KIRREL2: variants seen among roughly 807,000 people sequenced by gnomAD.
KIRREL2 encodes kirre like nephrin family adhesion molecule 2.
Under a neutral mutation model 73.4 loss-of-function variants are expected in KIRREL2, and 56 were observed. The observed-to-expected ratio is 0.76, with a 90% CI of 0.62 to 0.95. KIRREL2 has a LOEUF of 0.95. Among genes scored for constraint, KIRREL2 ranks in the 40% least tolerant of loss-of-function variants. The pLI, the probability that KIRREL2 is intolerant of heterozygous loss-of-function variation, is 0.00. For missense variants in KIRREL2, 896 were observed against 935.0 expected, an observed-to-expected ratio of 0.96 and a Z score of 0.54; for synonymous variants, 407 against 404.0, an observed-to-expected ratio of 1.01 and a Z score of -0.09.
Position 35,857,133 on chromosome 19 carries a change from G to T in KIRREL2, c.14G>T (p.Arg5Leu), listed in dbSNP as rs923143445. ...CTTGGGGGACGAATGCTCAGGATGC[G>T]GGTCCCCGCCCTCCTCGTCCTCCTC... MLRM[R>L]VPALLVLLFC... is the part of the protein sequence containing the mutation. Residue 5 changes from arginine (R) to leucine (L), a missense_variant, in exon 1 of 15, where the codon CGG (arginine) becomes CTG (leucine). Arg to Leu is a moderately radical substitution (Grantham distance 102). Coordinates refer to ENST00000360202, the MANE Select transcript of KIRREL2 (RefSeq NM_199180.4). 6 of 1,613,848 alleles carry T rather than the reference G, an allele frequency of 3.7e-6. No homozygotes were observed. In the South Asian group the frequency reaches 6.6e-5, roughly 18 times the overall value.
chr19:35,854,603 G>A (rs145529322), upstream of KIRREL2, among the ~76,000 whole-genome samples: 1,429 of 152,306 alleles, frequency 9.4e-3, 20 homozygotes, highest in African/African-American at 0.032. Flanking sequence ...GATTGCAGGC[G>A]TGAGTCATTG....
At position 35,866,208 on chromosome 19, in the gene KIRREL2, C is replaced by A. The variant is rs779488886; in HGVS notation, c.1843C>A (p.Leu615Ile). 18 of 1,613,084 alleles carry A rather than the reference C, an allele frequency of 1.1e-5. No homozygotes were observed. Among genetic ancestry groups the A allele is most frequent in the Non-Finnish European group, 1.4e-5 (16 of 1,179,594 alleles). ...CCGAGGAGTCAGTGTGAGCCTGAGCCTTGGCGAAGCCCCTGGAGGAGGTCT... is the reference window on the plus strand; with the variant it reads ...CCGAGGAGTCAGTGTGAGCCTGAGCATTGGCGAAGCCCCTGGAGGAGGTCT... ...KVRGVSVSLS[L>I]GEAPGGGLFL... The change falls in exon 15 of 15, where the codon CTT becomes ATT. Residue 615 changes from leucine (L) to isoleucine (I), a missense_variant. By Grantham distance (5) the Leu-to-Ile change is conservative. Coordinates refer to ENST00000360202, the MANE Select transcript of KIRREL2 (RefSeq NM_199180.4).
In KIRREL2 at chr19:35,866,472, C is replaced by A. The variant is rs374425895; in HGVS notation, c.2107C>A (p.Arg703Ser). Residue 703 changes from arginine to serine, a missense_variant, in exon 15 of 15, where the codon CGT (arginine) becomes AGT (serine). Physicochemically the swap from Arg to Ser is moderately radical, Grantham distance 110 (BLOSUM62 -1). Transcript: ENST00000360202. ...YAAFPTPSHP[R>S]LQTHV is the part of the protein sequence containing the mutation. Reference sequence around the variant, plus strand: ...TGCCTTCCCCACACCTAGCCACCCGCGTCTCCAGACTCACGTGTGACATCT... The same window carrying A: ...TGCCTTCCCCACACCTAGCCACCCGAGTCTCCAGACTCACGTGTGACATCT... The A allele has an allele frequency of 4.2e-5, 68 of 1,611,644 alleles. No homozygotes were observed. Among genetic ancestry groups the A allele is most frequent in the Middle Eastern group, 1.6e-4 (1 of 6,080 alleles).
intron 14 of KIRREL2, among the ~76,000 whole-genome samples, chr19:35,865,045 C>T (rs1973905939): frequency 6.6e-6 from 1 of 152,130 alleles, no homozygotes. Context: ...CCCCACATCT[C>T]CCCAGACTGG....
Position 35,859,614 on chromosome 19 carries a change from TCA to T in KIRREL2, c.660_661del (p.Leu221GlufsTer66). 1 of 1,613,950 alleles carries T rather than the reference TCA, an allele frequency of 6.2e-7. No homozygotes were observed. Among genetic ancestry groups the T allele is most frequent in the East Asian group, 2.2e-5 (1 of 44,878 alleles). On this transcript the variant is annotated frameshift_variant, in exon 5 of 15. Transcript: ENST00000360202. LOFTEE classifies it high-confidence loss of function. ...CTGCCCACAGGAAGAGACACAGCTA[TCA>T]CACTGAGCCTGCAGTGTGAGTGCAG...
At chr19:35,855,656 TAC>T (rs57458964), upstream of KIRREL2, among the ~76,000 whole-genome samples, 19,516 of 84,566 alleles carry the variant, frequency 0.23, 1,739 homozygotes, top group Non-Finnish European at 0.29. Context: ...CACCTCCCCA[TAC>T]ACACACACAC....
Position 35,862,921 on chromosome 19 carries a change from T to A in KIRREL2, c.1616-6T>A. 6.5e-7 allele frequency: 1 copy of A among 1,549,602 alleles called. No individual in the cohort carries two copies. The highest frequency in any genetic ancestry group is 2.4e-5 in the East Asian group (1 of 42,426). ...TCGCTTAACTCCACCGGTCGCTGTT[T>A]GTCAGCCTCAGCCTCTTTCTCCGAG... On this transcript the variant is annotated splice_region_variant and splice_polypyrimidine_tract_variant and intron_variant, in intron 12 of 14. Coordinates refer to ENST00000360202, the MANE Select transcript of KIRREL2 (RefSeq NM_199180.4).
rs1599856739 is a variant in KIRREL2 at position 35,857,418 on chromosome 19, T to A, written c.135T>A (p.Cys45Ter). ...TGGGGGAGGAAGCCCGGCTGCCGTG[T>A]GCTCTGGGCGCCTACTGGGGGCTAG... ...VLLGEEARLPCALGAYWGLVQ... is the reference protein window; with the variant it reads ...VLLGEEARLP The change falls in exon 2 of 15, where the codon TGT becomes TGA. Residue 45 changes from cysteine (C) to a stop codon, truncating the protein, a stop_gained. Transcript: ENST00000360202. LOFTEE classifies it high-confidence loss of function. 1.9e-6 allele frequency: 3 copies of A among 1,612,934 alleles called. No homozygotes were observed. The African/African-American group carries it at 4.0e-5, about 22-fold the overall frequency.
At chr19:35,855,226 G>A (rs1973380553), upstream of KIRREL2, among the ~76,000 whole-genome samples, 1 of 151,994 alleles carries the variant, frequency 6.6e-6, no homozygotes, top group Non-Finnish European at 1.5e-5. Context: ...GAGTGGCTCT[G>A]TCCTGGGGGC....
chr19:35,856,893 G>A, upstream of KIRREL2: 2 of 599,468 alleles, frequency 3.3e-6, no homozygotes, highest in South Asian at 2.0e-5. The surrounding 1 kb of genome is among the most constrained non-coding windows in gnomAD (Gnocchi z 5.9). Flanking sequence ...GCGGGATCGG[G>A]CCCTCTTGGG....
At chr19:35,855,466 C>T (rs77056012), upstream of KIRREL2, among the ~76,000 whole-genome samples, 6,310 of 151,756 alleles carry the variant, frequency 0.042, 176 homozygotes, top group Middle Eastern at 0.095. Flanking sequence ...CCCTAAGACT[C>T]AGGAGTTCCA....
chr19:35,861,298 T>C, intron 9 of KIRREL2, 44 bp downstream of exon 9: 1 of 1,510,132 alleles, frequency 6.6e-7, no homozygotes, highest in Non-Finnish European at 8.8e-7. Flanking sequence ...CGTCCTGGGA[T>C]AGGGAGCGGA....
chr19:35,853,379 G>T (rs751387267), upstream of KIRREL2, among the ~76,000 whole-genome samples: 1 of 152,224 alleles, frequency 6.6e-6, no homozygotes, highest in Non-Finnish European at 1.5e-5. Flanking sequence ...TGCAGTGTGA[G>T]CCCAAAGTGG....
At position 35,860,310 on chromosome 19, in the gene KIRREL2, G is replaced by C; in HGVS notation, c.687G>C (p.Val229=). The C allele has an allele frequency of 1.9e-6, 3 of 1,614,020 alleles. No homozygotes were observed. Among genetic ancestry groups the C allele is most frequent in the Non-Finnish European group, 2.5e-6 (3 of 1,180,004 alleles). The change falls in exon 6 of 15, where the codon GTG becomes GTC. Residue 229 remains valine (V), a synonymous_variant. Transcript: ENST00000360202. ...ITLSLQYPPE[V]TLSASPHTVQ... Reference sequence around the variant, plus strand: ...CCACCCTCACAGACCCCCCAGAGGTGACTCTGTCTGCTTCGCCACACACTG... The same window carrying C: ...CCACCCTCACAGACCCCCCAGAGGTCACTCTGTCTGCTTCGCCACACACTG...
Position 35,857,009 on chromosome 19 carries a change from G to C in KIRREL2, c.-111G>C, listed in dbSNP as rs557144674. On this transcript the variant is annotated 5_prime_UTR_variant, in exon 1 of 15. Transcript: ENST00000360202. Reference sequence around the variant, plus strand: ...CAGGCCAGAGACTAGGCTGGGCGAAGAGTCGAGCGTGAAGGGGGCTCCGGG... The same window carrying C: ...CAGGCCAGAGACTAGGCTGGGCGAACAGTCGAGCGTGAAGGGGGCTCCGGG... 5.6e-4 allele frequency: 604 copies of C among 1,087,454 alleles called. 10 individuals are homozygous for C. The South Asian group carries it at 7.3e-3, about 13-fold the overall frequency. The allele number at this position is 1,087,454 out of a possible 1,614,324, so 67.4% of individuals were successfully genotyped here.
intron 13 of KIRREL2, among the ~76,000 whole-genome samples, chr19:35,864,376 GAC>G (rs1973860190): frequency 6.6e-6 from 1 of 151,796 alleles, no homozygotes; most frequent in Non-Finnish European, 1.5e-5. Context: ...TTTTAGTAGA[GAC>G]AGAGTTTCGG....
chr19:35,862,406 A>T, intron 11 of KIRREL2, 87 bp from the exon 12 acceptor site: 1 of 1,009,722 alleles, frequency 9.9e-7, no homozygotes, highest in South Asian at 1.3e-5. Flanking sequence ...CGACCTTTTG[A>T]ACCCAGGAAT....
At position 35,861,072 on chromosome 19, in the gene KIRREL2, GA is replaced by G. The variant is rs768135613; in HGVS notation, c.1056+37del. The G allele has an allele frequency of 1.9e-6, 3 of 1,606,354 alleles. No homozygotes were observed. In the South Asian group the frequency reaches 3.3e-5, roughly 18 times the overall value. On this transcript the variant is annotated intron_variant, in intron 8 of 14. Transcript: ENST00000360202. ...AAATCTGAGGCGGTGGCTGGAGGGGGACCAGGCTTCCTTACAAATCCGGCTT... is the reference window on the plus strand; with the variant it reads ...AAATCTGAGGCGGTGGCTGGAGGGGGCCAGGCTTCCTTACAAATCCGGCTT...
At position 35,862,072 on chromosome 19, in the gene KIRREL2, C is replaced by A. The variant is rs537533189; in HGVS notation, c.1510+48C>A. The A allele has an allele frequency of 3.6e-4, 532 of 1,495,712 alleles. 1 individual carries two copies. The highest frequency in any genetic ancestry group is 4.7e-4 in the Non-Finnish European group (514 of 1,097,934). 92.7% of individuals were successfully genotyped at this position (1,495,712 alleles called of 1,614,324 possible). On this transcript the variant is annotated intron_variant, in intron 11 of 14. Transcript: ENST00000360202. ...CCAAATCTGGAGAGTCTAAACCCCA[C>A]AAACGCAGGGATCCCCCAGCCGAGG...
Sources: allele counts gnomAD v4.1 joint callset (sites outside exome capture counted in the v4.1 genomes callset), GRCh38; gene constraint gnomAD v4.1.1; non-coding constraint Gnocchi (gnomAD v3.1); transcripts MANE v1.5; gene names NCBI Gene and HGNC (gene_info 2026-07-23, HGNC 2026-07-21).